PHACTR4: variants seen among roughly 807,000 people sequenced by gnomAD.
PHACTR4 encodes the protein phosphatase and actin regulator 4, also known as protein phosphatase 1, regulatory subunit 124.
PHACTR4 carries 51 observed loss-of-function variants against 72.7 expected under a neutral mutation model. The ratio of observed to expected loss-of-function variants is 0.70; its 90% confidence interval spans 0.56 to 0.89. The LOEUF (loss-of-function observed/expected upper bound fraction) is 0.89. Among genes scored for constraint, PHACTR4 ranks in the 40% least tolerant of loss-of-function variants. The probability of loss-of-function intolerance (pLI) is 0.00; values close to 1 mark genes in which losing one functional copy is unlikely to be tolerated. For missense variants in PHACTR4, 731 were observed against 861.8 expected (o/e 0.85, Z 1.90); for synonymous variants, 255 against 302.5 (o/e 0.84, Z 1.63).
At chr1:28,444,709 G>A (rs1262491887) in intron 2 of PHACTR4, among the ~76,000 whole-genome samples, 7 of 149,876 alleles carry the variant, frequency 4.7e-5, no homozygotes, top group South Asian at 2.1e-4. Context: ...TCCACCTCCC[G>A]GGTTCACGCC....
intron 1 of PHACTR4, among the ~76,000 whole-genome samples, chr1:28,380,401 A>G (rs1229975769): frequency 1.3e-5 from 2 of 152,100 alleles, no homozygotes; most frequent in African/African-American, 4.8e-5. Flanking sequence ...ATGGTTTGGT[A>G]TACAGGTAAA....
chr1:28,444,453 C>T (rs1344499464), intron 2 of PHACTR4, among the ~76,000 whole-genome samples: 1 of 151,432 alleles, frequency 6.6e-6, no homozygotes, highest in Non-Finnish European at 1.5e-5. Context: ...TGGTCTTGAT[C>T]TCCTGACCTT....
intron 2 of PHACTR4, among the ~76,000 whole-genome samples, chr1:28,427,722 T>C (rs1272368239): frequency 6.6e-6 from 1 of 152,162 alleles, no homozygotes; most frequent in African/African-American, 2.4e-5. Context: ...TTTTACTCTG[T>C]GGTACTTGTC....
At chr1:28,440,391 A>ATTTTTT (rs1414224976) in intron 2 of PHACTR4, among the ~76,000 whole-genome samples, 2,037 of 89,772 alleles carry the variant, frequency 0.023, 212 homozygotes, top group African/African-American at 0.052. Flanking sequence ...AAATTCATCA[A>ATTTTTT]TTCTTTTTTT....
At chr1:28,491,388 G>A (rs1199998523) in intron 11 of PHACTR4, among the ~76,000 whole-genome samples, 4 of 151,602 alleles carry the variant, frequency 2.6e-5, no homozygotes, top group Non-Finnish European at 1.5e-5. Context: ...AGCTTGGGAG[G>A]TTGAGGCTGC....
chr1:28,451,014 G>T (rs1314241229), intron 2 of PHACTR4, among the ~76,000 whole-genome samples: 1 of 87,490 alleles, frequency 1.1e-5, no homozygotes, highest in African/African-American at 5.2e-5. Context: ...GTAGAAACAG[G>T]GTTTCATGTT....
rs72661774 is a variant in PHACTR4 at position 28,443,299 on chromosome 1, G to A, written c.17-15786G>A. 8.4e-4 allele frequency among the ~76,000 whole-genome samples: 62 copies of A among 73,540 alleles called. No homozygotes were observed. In the South Asian group the frequency reaches 0.011, roughly 13 times the overall value. The allele number at this position is 73,540 out of a possible 152,430, so 48.2% of individuals were successfully genotyped here. Reference sequence around the variant, plus strand: ...TCTCTCTCTCTTCTTTCTTTCTTTCGTTCTTTCGTCTCAACTCTGTCACCG... The same window carrying A: ...TCTCTCTCTCTTCTTTCTTTCTTTCATTCTTTCGTCTCAACTCTGTCACCG... On this transcript the variant is annotated intron_variant, in intron 2 of 13. Coordinates refer to ENST00000373839, the MANE Select transcript of PHACTR4 (RefSeq NM_001048183.3).
chr1:28,393,066 T>C (rs10902701), intron 1 of PHACTR4, among the ~76,000 whole-genome samples: 58,625 of 152,002 alleles, frequency 0.39, 13,001 homozygotes, highest in African/African-American at 0.6. Context: ...CACTGGGGGC[T>C]TTGGAATGTA....
chr1:28,438,852 A>G (rs1403441587), intron 2 of PHACTR4, among the ~76,000 whole-genome samples: 1 of 152,226 alleles, frequency 6.6e-6, no homozygotes, highest in East Asian at 1.9e-4. Context: ...ACTTTTAAGA[A>G]TTAAGTTTTT....
intron 4 of PHACTR4, among the ~76,000 whole-genome samples, chr1:28,465,176 C>A (rs1659060220): frequency 1.3e-5 from 2 of 152,024 alleles, no homozygotes; most frequent in South Asian, 4.1e-4. Context: ...AAATCACCAA[C>A]CCTGGGCCGG....
intron 1 of PHACTR4, among the ~76,000 whole-genome samples, chr1:28,388,587 C>T (rs1423938937): frequency 6.6e-6 from 1 of 152,212 alleles, no homozygotes; most frequent in Non-Finnish European, 1.5e-5. Flanking sequence ...CACGGTGGCT[C>T]ACGCCTGTAA....
chr1:28,443,600 A>G (rs990796013), intron 2 of PHACTR4, among the ~76,000 whole-genome samples: 1 of 151,762 alleles, frequency 6.6e-6, no homozygotes, highest in Non-Finnish European at 1.5e-5. Flanking sequence ...GGCACATGCC[A>G]CCACACCTGG....
intron 1 of PHACTR4, among the ~76,000 whole-genome samples, chr1:28,389,421 T>C (rs1652821860): frequency 6.6e-6 from 1 of 151,144 alleles, no homozygotes; most frequent in Non-Finnish European, 1.5e-5. Context: ...TTGGCAAGGA[T>C]GTGGAGAAAA....
chr1:28,390,004 GTA>G (rs1027792472), intron 1 of PHACTR4, among the ~76,000 whole-genome samples: 29 of 152,136 alleles, frequency 1.9e-4, no homozygotes, highest in Non-Finnish European at 1.5e-5. Flanking sequence ...AGAAAATTTG[GTA>G]TATATACACA....
At chr1:28,494,803 A>G (rs1465162383) in intron 13 of PHACTR4, among the ~76,000 whole-genome samples, 2 of 152,212 alleles carry the variant, frequency 1.3e-5, no homozygotes, top group Non-Finnish European at 2.9e-5. Flanking sequence ...GTCCCTCGCA[A>G]TGCTTTGACT....
At chr1:28,452,040 A>G (rs540725421) in intron 2 of PHACTR4, among the ~76,000 whole-genome samples, 1 of 152,312 alleles carries the variant, frequency 6.6e-6, no homozygotes, top group East Asian at 1.9e-4. Flanking sequence ...CTTTAGCACA[A>G]TATTTTACTT....
At chr1:28,452,153 T>C (rs1658024286) in intron 2 of PHACTR4, among the ~76,000 whole-genome samples, 1 of 152,056 alleles carries the variant, frequency 6.6e-6, no homozygotes, top group Non-Finnish European at 1.5e-5. Flanking sequence ...TATGTGTGGA[T>C]GTTTTTCAAT....
intron 1 of PHACTR4, 43 bp downstream of exon 1, chr1:28,369,868 T>C: frequency 2.3e-6 from 1 of 431,902 alleles, no homozygotes; most frequent in Non-Finnish European, 4.6e-6. Context: ...ACGCGCTCAG[T>C]ATCAGGCTGC....
intron 1 of PHACTR4, among the ~76,000 whole-genome samples, chr1:28,380,880 G>T (rs1007372785): frequency 2.0e-5 from 3 of 152,060 alleles, no homozygotes; most frequent in African/African-American, 7.2e-5. Flanking sequence ...TTTCTGGGTT[G>T]AATGGTATTT....
Sources: gnomAD v4.1 joint callset for allele counts (sites outside exome capture counted in the v4.1 genomes callset) on GRCh38, gnomAD v4.1.1 for gene constraint, MANE v1.5 for transcripts, NCBI Gene and HGNC (gene_info 2026-07-23, HGNC 2026-07-21) for gene names.